The following MAMDC2 variants were observed in gnomAD, a reference collection of about 807,000 sequenced individuals.
MAMDC2 encodes MAM domain-containing protein 2.
In MAMDC2, 57 loss-of-function variants were observed where a neutral mutation model predicts 89.8. The ratio of observed to expected loss-of-function variants is 0.63; its 90% CI spans 0.51 to 0.79. The LOEUF is 0.79. Ranked by LOEUF, MAMDC2 falls within the 30% of genes least tolerant of loss-of-function variation. The pLI is 0.00. For synonymous variants in MAMDC2, 313 were observed against 293.4 expected, an observed-to-expected ratio of 1.07 and a Z score of -0.68; for missense variants, 800 against 820.6, an observed-to-expected ratio of 0.97 and a Z score of 0.31.
intron 2 of MAMDC2, among the ~76,000 whole-genome samples, chr9:70,053,413 A>G (rs183058095): frequency 2.0e-4 from 30 of 152,334 alleles, no homozygotes; most frequent in Middle Eastern, 3.4e-3. Flanking sequence ...CTAAGTGTCT[A>G]CTATCCATCA....
At chr9:70,167,680 T>G (rs1478616505) in intron 9 of MAMDC2, among the ~76,000 whole-genome samples, 1 of 152,248 alleles carries the variant, frequency 6.6e-6, no homozygotes, top group Non-Finnish European at 1.5e-5. Context: ...TCATCCTATA[T>G]ATGAAAAGTA....
intron 11 of MAMDC2, among the ~76,000 whole-genome samples, chr9:70,211,462 G>T (rs1291394000): frequency 6.6e-6 from 1 of 152,082 alleles, no homozygotes; most frequent in Non-Finnish European, 1.5e-5. Flanking sequence ...CTCTTGCCAT[G>T]GTTTTCAGCT....
At chr9:70,050,157 T>G (rs1394509996) in intron 2 of MAMDC2, among the ~76,000 whole-genome samples, 1 of 152,204 alleles carries the variant, frequency 6.6e-6, no homozygotes, top group African/African-American at 2.4e-5. Flanking sequence ...CACTACATTT[T>G]ATGCCATACC....
intron 9 of MAMDC2, among the ~76,000 whole-genome samples, chr9:70,161,006 A>G (rs866905337): frequency 6.6e-6 from 1 of 152,174 alleles, no homozygotes; most frequent in Admixed American, 6.5e-5. Context: ...AATACATTCT[A>G]TCAGGGATCA....
intron 11 of MAMDC2, among the ~76,000 whole-genome samples, chr9:70,209,214 C>G (rs1382104480): frequency 6.6e-6 from 1 of 152,166 alleles, no homozygotes; most frequent in East Asian, 1.9e-4. Context: ...TGTACCAGCT[C>G]CTCTTTGTAC....
rs1827890136 is a variant in MAMDC2 at position 70,091,091 on chromosome 9, A to G, written c.149-17120A>G. On this transcript the variant is annotated intron_variant, in intron 2 of 13. Coordinates refer to ENST00000377182, the MANE Select transcript of MAMDC2 (RefSeq NM_153267.5). ...TGTTTGTGTGTGTTTATACATGAAT[A>G]AAGTATCTCTGGAAGGGTGTCCCAG... 2.0e-5 allele frequency among the ~76,000 whole-genome samples: 3 copies of G among 152,224 alleles called. No individual in the cohort carries two copies. In the South Asian group the frequency reaches 6.2e-4, roughly 32 times the overall value.
intron 2 of MAMDC2, among the ~76,000 whole-genome samples, chr9:70,062,296 TTATC>T (rs1205330257): frequency 6.6e-6 from 1 of 152,018 alleles, no homozygotes; most frequent in Non-Finnish European, 1.5e-5. Flanking sequence ...CTTTATATAT[TTATC>T]TATGTCTCCT....
At chr9:70,123,557 C>T (rs374058316) in intron 5 of MAMDC2, among the ~76,000 whole-genome samples, 1 of 152,034 alleles carries the variant, frequency 6.6e-6, no homozygotes, top group Admixed American at 6.5e-5. Flanking sequence ...GAGTGTTAGG[C>T]GTTGAATTGT....
intron 2 of MAMDC2, among the ~76,000 whole-genome samples, chr9:70,065,535 G>C (rs1827244741): frequency 6.7e-6 from 1 of 149,700 alleles, no homozygotes; most frequent in Non-Finnish European, 1.5e-5. Context: ...TCATCTAAGA[G>C]AATAAACTGT....
At chr9:70,176,976 C>A (rs2032520505) in intron 11 of MAMDC2, among the ~76,000 whole-genome samples, 1 of 152,110 alleles carries the variant, frequency 6.6e-6, no homozygotes, top group African/African-American at 2.4e-5. Context: ...TACATACATA[C>A]CTATAATAAA....
intron 11 of MAMDC2, among the ~76,000 whole-genome samples, chr9:70,175,440 C>T (rs1264640664): frequency 6.6e-6 from 1 of 152,128 alleles, no homozygotes; most frequent in African/African-American, 2.4e-5. Context: ...GTTCAAGAAA[C>T]CCTTATTCTA....
intron 9 of MAMDC2, among the ~76,000 whole-genome samples, chr9:70,162,883 ACCT>A (rs2032023130): frequency 7.3e-6 from 1 of 137,268 alleles, no homozygotes. Flanking sequence ...TTCCACACAG[ACCT>A]CCTCCTAATC....
intron 10 of MAMDC2, among the ~76,000 whole-genome samples, chr9:70,169,225 A>G (rs1010484627): frequency 6.6e-6 from 1 of 152,244 alleles, no homozygotes; most frequent in South Asian, 2.1e-4. Context: ...ATTTTAATAA[A>G]CATTTTCTAA....
intron 4 of MAMDC2, among the ~76,000 whole-genome samples, chr9:70,111,200 T>A (rs2118270665): frequency 6.6e-6 from 1 of 152,308 alleles, no homozygotes. Flanking sequence ...TTACTGAGCC[T>A]CAGCCTCTTG....
At chr9:70,176,232 A>G (rs1439161894) in intron 11 of MAMDC2, among the ~76,000 whole-genome samples, 1 of 152,210 alleles carries the variant, frequency 6.6e-6, no homozygotes, top group Non-Finnish European at 1.5e-5. Flanking sequence ...TACACAGTCT[A>G]TGAAAATCTA....
At chr9:70,210,593 C>A (rs1015946962) in intron 11 of MAMDC2, among the ~76,000 whole-genome samples, 9 of 152,116 alleles carry the variant, frequency 5.9e-5, no homozygotes, top group African/African-American at 1.9e-4. Flanking sequence ...ATCCAAGTTG[C>A]CAGTCTGTGT....
chr9:70,147,178 C>T (rs925593291), intron 9 of MAMDC2, among the ~76,000 whole-genome samples: 1 of 145,064 alleles, frequency 6.9e-6, no homozygotes, highest in African/African-American at 2.6e-5. Context: ...ATCGCTTGTG[C>T]CACCAGGAGG....
intron 2 of MAMDC2, among the ~76,000 whole-genome samples, chr9:70,100,943 C>A (rs1324059115): frequency 6.6e-6 from 1 of 152,168 alleles, no homozygotes; most frequent in Non-Finnish European, 1.5e-5. Context: ...CAGAAATTAG[C>A]AATTAACATG....
intron 9 of MAMDC2, among the ~76,000 whole-genome samples, chr9:70,162,639 C>T (rs1163657607): frequency 6.6e-6 from 1 of 151,880 alleles, no homozygotes; most frequent in East Asian, 2.0e-4. Flanking sequence ...TACAGGTGTA[C>T]ACCACCGTGC....
Sources: allele counts gnomAD v4.1 joint callset (sites outside exome capture counted in the v4.1 genomes callset), GRCh38; gene constraint gnomAD v4.1.1; transcripts MANE v1.5; gene names NCBI Gene and HGNC (gene_info 2026-07-23, HGNC 2026-07-21).